The following GLIS3 variants were observed in gnomAD, a reference collection of about 807,000 sequenced individuals.
GLIS3 encodes the protein GLIS family zinc finger 3, also known as zinc finger protein GLIS3.
In GLIS3, 53 loss-of-function variants were observed where a neutral mutation model predicts 78.6. The ratio of observed to expected loss-of-function variants is 0.67; its 90% CI spans 0.54 to 0.85. The LOEUF is 0.85. Among genes scored for constraint, GLIS3 ranks in the 40% least tolerant of loss-of-function variants. GLIS3 has a pLI of 0.00. For missense variants in GLIS3, 1,703 were observed against 1,231.1 expected, an observed-to-expected ratio of 1.38 and a Z score of -5.74; for synonymous variants, 684 against 509.9, an observed-to-expected ratio of 1.34 and a Z score of -4.60.
At chr9:4,283,429 C>T (rs1294630151) in intron 2 of GLIS3, among the ~76,000 whole-genome samples, 1 of 152,092 alleles carries the variant, frequency 6.6e-6, no homozygotes, top group Non-Finnish European at 1.5e-5. Context: ...CCACACCCGG[C>T]TCATTTTTGT....
intron 1 of GLIS3, among the ~76,000 whole-genome samples, chr9:4,291,057 T>G (rs1397117487): frequency 6.6e-6 from 1 of 152,110 alleles, no homozygotes; most frequent in Non-Finnish European, 1.5e-5. Context: ...TAATTCCTCA[T>G]TATTGAAATG....
intron 4 of GLIS3, among the ~76,000 whole-genome samples, chr9:4,021,822 G>A (rs1822910822): frequency 6.6e-6 from 1 of 152,122 alleles, no homozygotes; most frequent in Non-Finnish European, 1.5e-5. Context: ...GGCTTCACCA[G>A]GGGAATTCAC....
chr9:4,411,762 C>T, the GLIS3 span, among the ~76,000 whole-genome samples: 1 of 152,216 alleles, frequency 6.6e-6, no homozygotes, highest in African/African-American at 2.4e-5. Context: ...CTTACAACAC[C>T]ATCCACCACA....
At chr9:4,439,197 C>T in the GLIS3 span, among the ~76,000 whole-genome samples, 1 of 152,124 alleles carries the variant, frequency 6.6e-6, no homozygotes, top group South Asian at 2.1e-4. Flanking sequence ...TTTTTGTATT[C>T]CAAAAGCCAT....
chr9:3,977,264 A>G lies in GLIS3; in HGVS notation c.1711-40075T>C, dbSNP rs1818879649. On this transcript the variant is annotated intron_variant, in intron 4 of 10. Coordinates refer to ENST00000381971, the MANE Select transcript of GLIS3 (RefSeq NM_001042413.2). This position sits in a 1 kb window ranked among gnomAD's most constrained non-coding sequence, Gnocchi z 4.1. The stretch of plus-strand genomic sequence containing the variant: ...CACCCAGATATTAGATCCACATTTT[A>G]TACACCAAGCAATGTTTAAAATGTA... Among the ~76,000 whole-genome samples the G allele has an allele frequency of 6.6e-6, 1 of 152,186 alleles. No homozygotes were observed. Among genetic ancestry groups the G allele is most frequent in the South Asian group, 2.1e-4 (1 of 4,834 alleles).
In GLIS3 at chr9:4,118,842, C is replaced by A; in HGVS notation, c.636G>T (p.Leu212Phe). The A allele has an allele frequency of 6.2e-7, 1 of 1,604,304 alleles. No individual in the cohort carries two copies. Residue 212 changes from leucine (L) to phenylalanine (F), a missense_variant, in exon 4 of 11, where the codon TTG becomes TTT. Transcript: ENST00000381971. The surrounding 1 kb of genome is among the most constrained non-coding windows in gnomAD (Gnocchi z 4.7). Reference sequence around the variant, plus strand: ...AGGCCGACTGACTTTCCGTCAGACTCAAGGTCGTGGACGCCAAAGACTCAC... The same window carrying A: ...AGGCCGACTGACTTTCCGTCAGACTAAAGGTCGTGGACGCCAAAGACTCAC... ...ISRESLASTT[L>F]SLTESQSASS... is the part of the protein sequence containing the mutation.
At chr9:4,397,033 T>C in the GLIS3 span, among the ~76,000 whole-genome samples, 3 of 147,816 alleles carry the variant, frequency 2.0e-5, no homozygotes, top group East Asian at 1.9e-4. Context: ...TCTTTTTTTT[T>C]TTTTTTTTTT....
At chr9:4,474,194 A>G in the GLIS3 span, among the ~76,000 whole-genome samples, 3 of 152,262 alleles carry the variant, frequency 2.0e-5, no homozygotes, top group African/African-American at 7.2e-5. Flanking sequence ...AAAGCTACAT[A>G]TAAAGCTACA....
chr9:4,204,766 T>C (rs1819711347), intron 2 of GLIS3, among the ~76,000 whole-genome samples: 1 of 151,848 alleles, frequency 6.6e-6, no homozygotes, highest in Admixed American at 6.6e-5. Flanking sequence ...TACAAAAAAT[T>C]AGCCGGGCGT....
chr9:4,065,753 C>T (rs1827043830), intron 4 of GLIS3, among the ~76,000 whole-genome samples: 1 of 152,094 alleles, frequency 6.6e-6, no homozygotes, highest in South Asian at 2.1e-4. Flanking sequence ...TAGTGTTTGG[C>T]TACACTTTTA....
chr9:3,898,424 C>T (rs562394111), intron 7 of GLIS3: 11 of 488,394 alleles, frequency 2.3e-5, no homozygotes, highest in South Asian at 1.6e-4. Context: ...AACATAACTG[C>T]GAGGGTTGGG....
intron 2 of GLIS3, among the ~76,000 whole-genome samples, chr9:4,255,006 T>C (rs1824782561): frequency 6.6e-6 from 1 of 152,152 alleles, no homozygotes; most frequent in African/African-American, 2.4e-5. Context: ...AAGGAACTCT[T>C]AAAACTCAAC....
chr9:4,179,272 C>G (rs539548704), intron 2 of GLIS3, among the ~76,000 whole-genome samples: 16 of 152,194 alleles, frequency 1.1e-4, no homozygotes, highest in Non-Finnish European at 2.2e-4. Context: ...AAAAGTTACT[C>G]TTCTTTCCCT....
At chr9:4,386,823 CT>C in the GLIS3 span, among the ~76,000 whole-genome samples, 1 of 152,198 alleles carries the variant, frequency 6.6e-6, no homozygotes, top group East Asian at 1.9e-4. Flanking sequence ...CCTCCAGACC[CT>C]ATTTTCCTGC....
At chr9:3,899,322 G>T (rs1486614431) in intron 6 of GLIS3, among the ~76,000 whole-genome samples, 1 of 151,800 alleles carries the variant, frequency 6.6e-6, no homozygotes, top group East Asian at 1.9e-4. Flanking sequence ...ATATATTATG[G>T]CATGATTCAA....
intron 9 of GLIS3, among the ~76,000 whole-genome samples, chr9:3,844,313 A>T (rs2031206): frequency 0.52 from 78,459 of 151,954 alleles, 20,387 homozygotes; most frequent in East Asian, 0.59. Context: ...TATAAGGGTA[A>T]TTCCAGTTTA....
In GLIS3 at chr9:4,245,302, C is replaced by T. The variant is rs370332123; in HGVS notation, c.388+40736G>A. 7.2e-5 allele frequency among the ~76,000 whole-genome samples: 11 copies of T among 152,326 alleles called. No homozygotes were observed. The East Asian group carries it at 1.2e-3, about 16-fold the overall frequency. On this transcript the variant is annotated intron_variant, in intron 2 of 10. Coordinates refer to ENST00000381971, the MANE Select transcript of GLIS3 (RefSeq NM_001042413.2). ...GTTGTGGTCCACAGCCCTCAGCATT[C>T]CACACGGGATCAAGTGTTTTACAAA...
chr9:4,031,284 G>C (rs181625273), intron 4 of GLIS3, among the ~76,000 whole-genome samples: 24 of 152,232 alleles, frequency 1.6e-4, no homozygotes, highest in African/African-American at 4.3e-4. Flanking sequence ...ACATGTACAT[G>C]CAATGGAATA....
chr9:4,066,767 A>T (rs972254750), intron 4 of GLIS3, among the ~76,000 whole-genome samples: 2 of 152,232 alleles, frequency 1.3e-5, no homozygotes, highest in Non-Finnish European at 2.9e-5. Flanking sequence ...GTGAAGTGGA[A>T]GGAGTAATTC....
Sources: gnomAD v4.1 joint callset for allele counts (sites outside exome capture counted in the v4.1 genomes callset) on GRCh38, gnomAD v4.1.1 for gene constraint, Gnocchi (gnomAD v3.1) non-coding constraint, MANE v1.5 for transcripts, NCBI Gene and HGNC (gene_info 2026-07-23, HGNC 2026-07-21) for gene names.